STK3: variants seen among roughly 807,000 people sequenced by gnomAD.
The protein encoded by STK3 is serine/threonine kinase 3, also known as serine/threonine-protein kinase 3.
STK3 carries 41 observed loss-of-function variants against 58.0 expected under a neutral mutation model. That is an observed-to-expected ratio of 0.71 (90% CI 0.55 to 0.92). The LOEUF (loss-of-function observed/expected upper bound fraction) is 0.92, where lower values mean the gene tolerates loss of function less well. Among genes scored for constraint, STK3 ranks in the 40% least tolerant of loss-of-function variants. The probability of loss-of-function intolerance (pLI) is 0.00; values close to 1 mark genes in which losing one functional copy is unlikely to be tolerated. For missense variants in STK3, 479 were observed against 602.7 expected, an observed-to-expected ratio of 0.79 and a Z score of 2.15; for synonymous variants, 170 against 191.0, an observed-to-expected ratio of 0.89 and a Z score of 0.91.
At chr8:98,604,164 GAA>G (rs1816590507) in intron 6 of STK3, among the ~76,000 whole-genome samples, 1 of 152,182 alleles carries the variant, frequency 6.6e-6, no homozygotes, top group African/African-American at 2.4e-5. Context: ...AAAAAGCAAG[GAA>G]ACAAATTCTC....
intron 6 of STK3, among the ~76,000 whole-genome samples, chr8:98,665,903 C>G (rs964213146): frequency 2.8e-4 from 43 of 151,984 alleles, no homozygotes; most frequent in Non-Finnish European, 5.3e-4. Context: ...CAGGGTTTCA[C>G]CATGTTAGCC....
At chr8:98,738,819 G>C (rs370523430) in intron 4 of STK3, among the ~76,000 whole-genome samples, 1 of 152,254 alleles carries the variant, frequency 6.6e-6, no homozygotes, top group Non-Finnish European at 1.5e-5. Context: ...AAGGGGTTCA[G>C]GGAGTTCCCT....
upstream of STK3, among the ~76,000 whole-genome samples, chr8:98,388,699 C>T (rs905097788): frequency 1.2e-4 from 19 of 152,132 alleles, no homozygotes; most frequent in African/African-American, 3.1e-4. Context: ...GGAGGACTTA[C>T]CAACTAAATT....
intron 6 of STK3, among the ~76,000 whole-genome samples, chr8:98,629,082 T>C (rs1225006130): frequency 5.9e-5 from 9 of 152,078 alleles, no homozygotes; most frequent in Admixed American, 5.9e-4. Context: ...TTATACCAAT[T>C]CTCTTTTCCC....
At chr8:98,874,275 A>G (rs904465434) in intron 3 of STK3, among the ~76,000 whole-genome samples, 1 of 151,910 alleles carries the variant, frequency 6.6e-6, no homozygotes, top group African/African-American at 2.4e-5. Flanking sequence ...TGCCCATAAC[A>G]TTTTTTCCTT....
At chr8:98,822,510 T>C (rs2131738956) in intron 1 of STK3, among the ~76,000 whole-genome samples, 1 of 152,186 alleles carries the variant, frequency 6.6e-6, no homozygotes, top group South Asian at 2.1e-4. Context: ...AATTTTGTAA[T>C]AAAATAGAAT....
At chr8:98,586,840 C>T (rs1488914434) in intron 7 of STK3, among the ~76,000 whole-genome samples, 2 of 151,682 alleles carry the variant, frequency 1.3e-5, no homozygotes, top group African/African-American at 2.4e-5. Context: ...GTGTATGTGT[C>T]GAGGAATTTA....
intron 10 of STK3, among the ~76,000 whole-genome samples, chr8:98,468,810 C>T (rs1409495897): frequency 6.6e-6 from 1 of 152,124 alleles, no homozygotes; most frequent in Non-Finnish European, 1.5e-5. Flanking sequence ...ATGCAGAAAT[C>T]ACAGAAAATA....
chr8:98,904,695 A>G (rs1031748499), intron 1 of STK3: 9 of 762,054 alleles, frequency 1.2e-5, no homozygotes, highest in Non-Finnish European at 1.8e-5. Context: ...GCCTGAAATA[A>G]CTCACTCTCT....
chr8:98,924,088 G>A (rs995083833), intron 1 of STK3, among the ~76,000 whole-genome samples: 1 of 152,186 alleles, frequency 6.6e-6, no homozygotes, highest in African/African-American at 2.4e-5. Context: ...GGTTCAGAGA[G>A]TCCATTTGAA....
At chr8:98,666,299 A>C (rs1329459424) in intron 6 of STK3, among the ~76,000 whole-genome samples, 1 of 152,220 alleles carries the variant, frequency 6.6e-6, no homozygotes, top group Admixed American at 6.5e-5. Flanking sequence ...TTAGGGGTAG[A>C]CAGGTATATA....
intron 1 of STK3, among the ~76,000 whole-genome samples, chr8:98,927,957 C>G (rs768380313): frequency 6.6e-6 from 1 of 152,170 alleles, no homozygotes; most frequent in Non-Finnish European, 1.5e-5. Context: ...TTACATGGAC[C>G]ACTAAACTCC....
chr8:98,539,308 T>C (rs965599624), intron 9 of STK3, among the ~76,000 whole-genome samples: 1 of 152,162 alleles, frequency 6.6e-6, no homozygotes, highest in Non-Finnish European at 1.5e-5. Context: ...GGAAAGGATA[T>C]GAGAACCGAG....
chr8:98,649,767 A>G (rs888354504), intron 6 of STK3, among the ~76,000 whole-genome samples: 2 of 152,206 alleles, frequency 1.3e-5, no homozygotes, highest in African/African-American at 4.8e-5. Flanking sequence ...TAGAACTGCA[A>G]TTAACTTTTA....
At chr8:98,548,400 A>G (rs1206641330) in intron 8 of STK3, among the ~76,000 whole-genome samples, 1 of 152,152 alleles carries the variant, frequency 6.6e-6, no homozygotes, top group Non-Finnish European at 1.5e-5. Flanking sequence ...GAAGGCTGCT[A>G]GTTGCTTTTA....
chr8:98,354,800 C>T, the STK3 span, among the ~76,000 whole-genome samples: 32 of 152,162 alleles, frequency 2.1e-4, no homozygotes, highest in African/African-American at 6.5e-4. Context: ...TTTTTTGAGA[C>T]GAAGTCTGGC....
the STK3 span, among the ~76,000 whole-genome samples, chr8:98,360,540 C>G: frequency 6.6e-6 from 1 of 151,888 alleles, no homozygotes; most frequent in East Asian, 1.9e-4. Context: ...ATTAATTTCC[C>G]CAAGCCCCCA....
chr8:98,713,613 T>G (rs1002617027), intron 4 of STK3, among the ~76,000 whole-genome samples: 1 of 152,014 alleles, frequency 6.6e-6, no homozygotes, highest in Non-Finnish European at 1.5e-5. Context: ...AATAACAGGC[T>G]CTGAAATTGA....
chr8:98,904,012 T>G (rs1838787706), intron 1 of STK3, among the ~76,000 whole-genome samples: 1 of 152,144 alleles, frequency 6.6e-6, no homozygotes, highest in Non-Finnish European at 1.5e-5. Context: ...TTCTTAAGTG[T>G]TAGAAATGTT....
Sources: allele counts gnomAD v4.1 joint callset (sites outside exome capture counted in the v4.1 genomes callset), GRCh38; gene constraint gnomAD v4.1.1; transcripts MANE v1.5; gene names NCBI Gene and HGNC (gene_info 2026-07-23, HGNC 2026-07-21).